The following FLRT1 variants were observed in gnomAD, a reference collection of about 807,000 sequenced individuals.
FLRT1 encodes leucine-rich repeat transmembrane protein FLRT1.
FLRT1 carries 14 observed loss-of-function variants against 30.9 expected under a neutral mutation model. The observed-to-expected ratio is 0.45, with a 90% CI of 0.30 to 0.71. FLRT1 has a LOEUF of 0.71. Among genes scored for constraint, FLRT1 ranks in the 30% least tolerant of loss-of-function variants. FLRT1 has a pLI of 0.08. For synonymous variants in FLRT1, 368 were observed against 430.4 expected (o/e 0.85, Z 1.80); for missense variants, 737 against 949.2 (o/e 0.78, Z 2.94).
rs535672804 is a variant in FLRT1, at chr11:64,090,515, G to A, written c.-1037-12679G>A. 1.1e-4 allele frequency among the ~76,000 whole-genome samples: 17 copies of A among 152,204 alleles called. No individual in the cohort carries two copies. In the South Asian group the frequency reaches 2.5e-3, roughly 22 times the overall value. The stretch of plus-strand genomic sequence containing the variant: ...GCCAAATAACCACATTTGCTTCCCC[G>A]GGCCCTCCCTCGACCGGCTCTGCCT... On this transcript the variant is annotated intron_variant, in intron 1 of 2. Coordinates refer to ENST00000682287, the MANE Select transcript of FLRT1 (RefSeq NM_013280.5). This position sits in a 1 kb window ranked among gnomAD's most constrained non-coding sequence, Gnocchi z 4.7.
In FLRT1 at chr11:64,092,232, T is replaced by C. The variant is rs188672507; in HGVS notation, c.-1037-10962T>C. Among the ~76,000 whole-genome samples, 193 of 152,320 alleles carry C rather than the reference T, an allele frequency of 1.3e-3. 2 individuals carry two copies. The highest frequency in any genetic ancestry group is 1.1e-3 in the Non-Finnish European group (77 of 68,016). ...TACCCACTAACGTCTCCCCTGTTCT[T>C]GTCTTTCTGTCTGCCTCTTAAAAAA... On this transcript the variant is annotated intron_variant, in intron 1 of 2. Transcript: ENST00000682287.
chr11:64,098,897 A>AT (rs1944623492), intron 1 of FLRT1, among the ~76,000 whole-genome samples: 1 of 152,250 alleles, frequency 6.6e-6, no homozygotes, highest in Admixed American at 6.5e-5. Flanking sequence ...TGACACATAC[A>AT]TAAAAATCCA....
chr11:64,043,539 G>A (rs983866688), intron 1 of FLRT1, among the ~76,000 whole-genome samples: 2 of 152,198 alleles, frequency 1.3e-5, no homozygotes, highest in Non-Finnish European at 2.9e-5. Flanking sequence ...AGCAGCAAGG[G>A]TTAGGAGGCA....
chr11:64,095,830 T>C (rs1397348790), intron 1 of FLRT1, among the ~76,000 whole-genome samples: 2 of 151,960 alleles, frequency 1.3e-5, no homozygotes, highest in Non-Finnish European at 2.9e-5. Flanking sequence ...AAGTCAGGGG[T>C]TGAGACCTGA....
intron 1 of FLRT1, among the ~76,000 whole-genome samples, chr11:64,058,938 C>A (rs1168442508): frequency 6.6e-6 from 1 of 152,110 alleles, no homozygotes; most frequent in Non-Finnish European, 1.5e-5. Context: ...ACACATGGAC[C>A]CAGGCTACCG....
At chr11:64,041,889 G>T (rs576225278) in intron 1 of FLRT1, among the ~76,000 whole-genome samples, 4 of 152,310 alleles carry the variant, frequency 2.6e-5, no homozygotes, top group Non-Finnish European at 5.9e-5. Flanking sequence ...AGGGTGCCCC[G>T]CCCAGTTAAA....
chr11:64,089,431 G>C (rs1248772217), intron 1 of FLRT1, among the ~76,000 whole-genome samples: 1 of 152,224 alleles, frequency 6.6e-6, no homozygotes, highest in Non-Finnish European at 1.5e-5. Context: ...GTAACATGGA[G>C]GAGTCGTCAC....
chr11:64,110,281 C>A (rs1257818365), intron 2 of FLRT1, among the ~76,000 whole-genome samples: 2 of 151,942 alleles, frequency 1.3e-5, no homozygotes, highest in African/African-American at 4.8e-5. Context: ...AAAACCCCAT[C>A]TCTGCAAAAA....
chr11:64,058,613 G>A (rs747497698), intron 1 of FLRT1, among the ~76,000 whole-genome samples: 32 of 152,246 alleles, frequency 2.1e-4, no homozygotes, highest in Non-Finnish European at 3.8e-4. Flanking sequence ...AGCGGGCACG[G>A]CCCTGTAATT....
rs189632333 is a variant in FLRT1, at chr11:64,059,814, G to C, written c.-1038+23655G>C. 1.9e-3 allele frequency among the ~76,000 whole-genome samples: 282 copies of C among 152,312 alleles called. 4 individuals are homozygous for C. Among genetic ancestry groups the C allele is most frequent in the African/African-American group, 6.4e-3 (266 of 41,576 alleles). On this transcript the variant is annotated intron_variant, in intron 1 of 2. Transcript: ENST00000682287. ...GTTAATCATTTTGGGTCTTCCAAGG[G>C]TCCTGACCCCGAGAGGCCCGCCCCT... is the stretch of plus-strand genomic sequence containing the variant.
intron 1 of FLRT1, among the ~76,000 whole-genome samples, chr11:64,084,786 C>G (rs902172226): frequency 6.6e-6 from 1 of 152,208 alleles, no homozygotes; most frequent in African/African-American, 2.4e-5. Flanking sequence ...CCCGCCAGCC[C>G]AGACTGGGCA....
At chr11:64,106,620 C>G (rs1944767327) in intron 2 of FLRT1, among the ~76,000 whole-genome samples, 1 of 152,236 alleles carries the variant, frequency 6.6e-6, no homozygotes, top group African/African-American at 2.4e-5. Flanking sequence ...AGTGCCAAGC[C>G]TCTGATCTAG....
At chr11:64,076,794 G>A (rs1413726646) in intron 1 of FLRT1, among the ~76,000 whole-genome samples, 3 of 152,144 alleles carry the variant, frequency 2.0e-5, no homozygotes, top group Non-Finnish European at 2.9e-5. Flanking sequence ...CCCAGGCTCT[G>A]GGCTCCCGTC....
intron 1 of FLRT1, among the ~76,000 whole-genome samples, chr11:64,080,398 G>A (rs1022048284): frequency 1.3e-5 from 2 of 152,160 alleles, no homozygotes; most frequent in African/African-American, 4.8e-5. Flanking sequence ...CCCCTTCAAC[G>A]TGTAGAATTC....
At chr11:64,092,026 G>GCTCC (rs1944499937) in intron 1 of FLRT1, among the ~76,000 whole-genome samples, 1 of 152,202 alleles carries the variant, frequency 6.6e-6, no homozygotes, top group Middle Eastern at 3.2e-3. Flanking sequence ...CGTGATCTCA[G>GCTCC]CTCCTGAGGG....
At chr11:64,050,768 G>A (rs1302988925) in intron 1 of FLRT1, among the ~76,000 whole-genome samples, 1 of 152,246 alleles carries the variant, frequency 6.6e-6, no homozygotes, top group Non-Finnish European at 1.5e-5. Context: ...ACAGGCGCAT[G>A]CCATAATACC....
chr11:64,068,686 C>T (rs751072556), intron 1 of FLRT1, among the ~76,000 whole-genome samples: 3 of 152,244 alleles, frequency 2.0e-5, no homozygotes, highest in Non-Finnish European at 2.9e-5. Context: ...GGGTCCTGAT[C>T]TCACGTGTCT....
chr11:64,071,880 C>G (rs1944114133), intron 1 of FLRT1, among the ~76,000 whole-genome samples: 1 of 152,138 alleles, frequency 6.6e-6, no homozygotes, highest in Non-Finnish European at 1.5e-5. Flanking sequence ...TGGCGAGAGC[C>G]CTGGGAGGGC....
At chr11:64,042,119 G>T (rs998886403) in intron 1 of FLRT1, among the ~76,000 whole-genome samples, 14 of 152,190 alleles carry the variant, frequency 9.2e-5, no homozygotes, top group Non-Finnish European at 1.8e-4. Flanking sequence ...CCAGGCGGGA[G>T]GGGGAGACAG....
Sources: allele counts gnomAD v4.1 joint callset (sites outside exome capture counted in the v4.1 genomes callset), GRCh38; gene constraint gnomAD v4.1.1; non-coding constraint Gnocchi (gnomAD v3.1); transcripts MANE v1.5; gene names NCBI Gene and HGNC (gene_info 2026-07-23, HGNC 2026-07-21).